The following SPSB1 variants were observed in gnomAD, a reference collection of about 807,000 sequenced individuals.
SPSB1 encodes the protein splA/ryanodine receptor domain and SOCS box containing 1.
In SPSB1, 8 loss-of-function variants were observed where a neutral mutation model predicts 21.2. That is an observed-to-expected ratio of 0.38 (90% confidence interval 0.22 to 0.68). The LOEUF is 0.68. Ranked by LOEUF, SPSB1 falls within the 30% of genes least tolerant of loss-of-function variation. The pLI is 0.53. For synonymous variants in SPSB1, 169 were observed against 161.7 expected (o/e 1.05, Z -0.34); for missense variants, 242 against 377.8 (o/e 0.64, Z 2.98).
chr1:9,366,883 C>T (rs1178112057), intron 2 of SPSB1, among the ~76,000 whole-genome samples: 1 of 152,212 alleles, frequency 6.6e-6, no homozygotes, highest in Non-Finnish European at 1.5e-5. Context: ...TAGTCTTCAG[C>T]TTTAAAACAG....
In SPSB1 at chr1:9,293,033, G is replaced by A. The variant is rs1408799371; in HGVS notation, c.-188G>A. 3.1e-6 allele frequency: 3 copies of A among 981,204 alleles called. No homozygotes were observed. The highest frequency in any genetic ancestry group is 3.6e-6 in the Non-Finnish European group (3 of 827,352). 60.8% of individuals were successfully genotyped at this position (981,204 alleles called of 1,614,324 possible). ...CGGCCCGGGCGCCCGAGCCTCCTCG[G>A]CCTTGGAGAGCAGCGGCGGCGGCGG... On this transcript the variant is annotated 5_prime_UTR_variant, in exon 1 of 3. Transcript: ENST00000328089. This position sits in a 1 kb window ranked among gnomAD's most constrained non-coding sequence, Gnocchi z 5.1.
chr1:9,359,231 T>C (rs9435245), intron 2 of SPSB1, among the ~76,000 whole-genome samples: 17,862 of 152,204 alleles, frequency 0.12, 1,399 homozygotes, highest in South Asian at 0.23. Flanking sequence ...AGGTTCCAGA[T>C]TGGAAAATAG....
At chr1:9,364,183 G>A (rs1056502206) in intron 2 of SPSB1, among the ~76,000 whole-genome samples, 3 of 152,236 alleles carry the variant, frequency 2.0e-5, no homozygotes, top group Non-Finnish European at 4.4e-5. Context: ...GGCGGGGGCT[G>A]AGCCACATTC....
chr1:9,340,685 T>C (rs1375640703), intron 1 of SPSB1, among the ~76,000 whole-genome samples: 1 of 152,204 alleles, frequency 6.6e-6, no homozygotes, highest in African/African-American at 2.4e-5. Context: ...GTGGCCGGCC[T>C]TCCCTGCCAC....
chr1:9,357,158 T>C (rs1640382413), intron 2 of SPSB1, among the ~76,000 whole-genome samples: 2 of 81,106 alleles, frequency 2.5e-5, no homozygotes, highest in East Asian at 4.1e-4. Context: ...GGTGGATGGA[T>C]GGGTGGATGG....
chr1:9,361,156 C>CTTTTTTTTTTTTT (rs57871457), intron 2 of SPSB1, among the ~76,000 whole-genome samples: 3 of 102,578 alleles, frequency 2.9e-5, no homozygotes, highest in African/African-American at 1.2e-4. Context: ...CTGTCATTTT[C>CTTTTTTTTTTTTT]TTTTTTTTTT....
intron 1 of SPSB1, chr1:9,339,401 T>TGC: frequency 1.4e-6 from 1 of 727,470 alleles, no homozygotes; most frequent in Non-Finnish European, 1.7e-6. Flanking sequence ...CCCAGGGTCC[T>TGC]CAGGTAATTC....
In SPSB1 at chr1:9,355,966, G is replaced by C; in HGVS notation, c.75G>C (p.Glu25Asp). ...CCACGTACAGGCCCCTGAAGCAGGAGCTCCAGGGTCTGGATTACTGCAAGC... is the reference window on the plus strand; with the variant it reads ...CCACGTACAGGCCCCTGAAGCAGGACCTCCAGGGTCTGGATTACTGCAAGC... ...RDPTYRPLKQ[E>D]LQGLDYCKPT... Residue 25 changes from glutamate (E) to aspartate (D), a missense_variant, in exon 2 of 3, where the codon GAG becomes GAC. By Grantham distance (45) the Glu-to-Asp change is conservative. Transcript: ENST00000328089. The C allele has an allele frequency of 1.2e-6, 2 of 1,613,920 alleles. No individual in the cohort carries two copies. Among genetic ancestry groups the C allele is most frequent in the Non-Finnish European group, 1.7e-6 (2 of 1,179,932 alleles).
At chr1:9,330,230 G>C (rs1167257140) in intron 1 of SPSB1, among the ~76,000 whole-genome samples, 5 of 152,232 alleles carry the variant, frequency 3.3e-5, no homozygotes, top group Non-Finnish European at 7.3e-5. Flanking sequence ...CACTTTGGGA[G>C]ACTGAGGCGG....
At chr1:9,309,567 G>A (rs1569575491) in intron 1 of SPSB1, among the ~76,000 whole-genome samples, 1 of 152,322 alleles carries the variant, frequency 6.6e-6, no homozygotes, top group South Asian at 2.1e-4. Context: ...ATCAGGCCAG[G>A]CACAGTGGCT....
At chr1:9,303,079 G>A (rs1314161653) in intron 1 of SPSB1, among the ~76,000 whole-genome samples, 1 of 152,184 alleles carries the variant, frequency 6.6e-6, no homozygotes, top group African/African-American at 2.4e-5. Flanking sequence ...AGGCTGAGAG[G>A]GGAGTGATGG....
intron 1 of SPSB1, among the ~76,000 whole-genome samples, chr1:9,308,119 A>G (rs556944431): frequency 1.6e-4 from 25 of 152,320 alleles, no homozygotes; most frequent in Non-Finnish European, 3.2e-4. Context: ...TACTGTCTTA[A>G]TTCCATTCCT....
intron 1 of SPSB1, among the ~76,000 whole-genome samples, chr1:9,323,749 C>A (rs1349177256): frequency 1.3e-5 from 2 of 152,320 alleles, no homozygotes; most frequent in African/African-American, 4.8e-5. Context: ...GCTGGTCCTA[C>A]AGGCCTCAGT....
chr1:9,349,322 C>G (rs770517892), intron 1 of SPSB1, among the ~76,000 whole-genome samples: 7 of 152,216 alleles, frequency 4.6e-5, no homozygotes, highest in Non-Finnish European at 8.8e-5. Flanking sequence ...GCCACGTGCT[C>G]GACTTTGATA....
intron 1 of SPSB1, among the ~76,000 whole-genome samples, chr1:9,331,917 A>G (rs1024020002): frequency 1.3e-5 from 2 of 152,158 alleles, no homozygotes; most frequent in Non-Finnish European, 2.9e-5. Flanking sequence ...TTTTCTTTGC[A>G]TTGTCTGTTC....
intron 1 of SPSB1, among the ~76,000 whole-genome samples, chr1:9,334,007 C>A (rs963941869): frequency 2.0e-5 from 3 of 152,168 alleles, no homozygotes; most frequent in African/African-American, 4.8e-5. Flanking sequence ...AATCTCCATG[C>A]CTCAGGTTTC....
intron 1 of SPSB1, among the ~76,000 whole-genome samples, chr1:9,303,690 A>G (rs1639368391): frequency 6.6e-6 from 1 of 152,190 alleles, no homozygotes; most frequent in African/African-American, 2.4e-5. Flanking sequence ...TGTCTTTGCT[A>G]TGCAGGATAG....
chr1:9,299,767 C>T (rs1639295387), intron 1 of SPSB1, among the ~76,000 whole-genome samples: 2 of 151,986 alleles, frequency 1.3e-5, no homozygotes, highest in African/African-American at 2.4e-5. Flanking sequence ...GCATGAGCCA[C>T]TGCGCCCGGG....
chr1:9,310,998 AT>A (rs1419889566), intron 1 of SPSB1, among the ~76,000 whole-genome samples: 1 of 151,820 alleles, frequency 6.6e-6, no homozygotes, highest in African/African-American at 2.4e-5. Flanking sequence ...AAAGATAAAT[AT>A]TTTCCCCCCT....
Sources: gnomAD v4.1 joint callset for allele counts (sites outside exome capture counted in the v4.1 genomes callset) on GRCh38, gnomAD v4.1.1 for gene constraint, Gnocchi (gnomAD v3.1) non-coding constraint, MANE v1.5 for transcripts, NCBI Gene and HGNC (gene_info 2026-07-23, HGNC 2026-07-21) for gene names.